Variants in ERCC1 observed in about 807,000 individuals in gnomAD.
ERCC1 encodes DNA excision repair protein ERCC-1.
Under a neutral mutation model 37.6 loss-of-function variants are expected in ERCC1, and 36 were observed. The observed-to-expected ratio is 0.96, with a 90% confidence interval of 0.73 to 1.26. The LOEUF (loss-of-function observed/expected upper bound fraction) is 1.26. Ranked by LOEUF, ERCC1 falls within the 50% of genes most tolerant of loss-of-function variation. The pLI is 0.00. For synonymous variants in ERCC1, 156 were observed against 162.1 expected, an observed-to-expected ratio of 0.96 and a Z score of 0.28; for missense variants, 349 against 376.5, an observed-to-expected ratio of 0.93 and a Z score of 0.60.
chr19:45,446,905 G>A (rs1435737845), intron 1 of ERCC1, among the ~76,000 whole-genome samples: 4 of 152,134 alleles, frequency 2.6e-5, no homozygotes, highest in South Asian at 2.1e-4. Context: ...GGCTGAGGCA[G>A]GAGAATCATT....
chr19:45,434,592 C>A (rs1164698873), intron 1 of ERCC1, among the ~76,000 whole-genome samples: 1 of 151,810 alleles, frequency 6.6e-6, no homozygotes, highest in East Asian at 1.9e-4. Context: ...TTTGTTTTTG[C>A]TTTTGTTTTC....
At chr19:45,428,067 TTTTCTTTC>T (rs1174150788), upstream of ERCC1, among the ~76,000 whole-genome samples, 2 of 145,894 alleles carry the variant, frequency 1.4e-5, no homozygotes, top group African/African-American at 5.4e-5. Flanking sequence ...CTTTTTTTCT[TTTTCTTTC>T]TTTCTTTCTT....
chr19:45,421,216 C>T lies in ERCC1; in HGVS notation c.283G>A (p.Gly95Arg), dbSNP rs377366479. The T allele has an allele frequency of 1.6e-5, 26 of 1,614,070 alleles. No individual in the cohort carries two copies. The East Asian group carries it at 2.0e-4, about 12-fold the overall frequency. The change falls in exon 3 of 10, where the codon GGG (glycine) becomes AGG (arginine). Residue 95 changes from glycine (G) to arginine (R), a missense_variant. Gly to Arg is a moderately radical substitution (Grantham distance 125). Transcript: ENST00000300853. ...ACAATGATGCTGTTGGATTTTGCCC[C>T]GGGTTTCAGGGCCTGGTTGGGCGTC... ...GETPNQALKP[G>R]AKSNSIIVSP...
Position 45,420,454 on chromosome 19 carries a change from A to G in ERCC1, c.322-27T>C. The G allele has an allele frequency of 7.0e-7, 1 of 1,437,834 alleles. No homozygotes were observed. The highest frequency in any genetic ancestry group is 9.8e-7 in the Non-Finnish European group (1 of 1,024,984). The allele number at this position is 1,437,834 out of a possible 1,614,324, so 89.1% of individuals were successfully genotyped here. A position where few individuals can be genotyped will look rare whatever the true frequency, so the allele number is the denominator to read the frequency against. ...TGGGGAGGGACGAAGGGCAGAAGCC[A>G]TCAATAGGGATGACCCTTGATAACC... is the stretch of plus-strand genomic sequence containing the variant. On this transcript the variant is annotated intron_variant, in intron 3 of 9. Coordinates refer to ENST00000300853, the MANE Select transcript of ERCC1 (RefSeq NM_001983.4). The surrounding 1 kb of genome is among the most constrained non-coding windows in gnomAD (Gnocchi z 4.8).
At chr19:45,440,283 C>T (rs1367181963) in intron 1 of ERCC1, among the ~76,000 whole-genome samples, 2 of 152,172 alleles carry the variant, frequency 1.3e-5, no homozygotes, top group South Asian at 2.1e-4. Flanking sequence ...CCGCATCCCC[C>T]AGCCTGTCCT....
At chr19:45,421,720 G>A (rs1357588042) in intron 2 of ERCC1, among the ~76,000 whole-genome samples, 4 of 148,274 alleles carry the variant, frequency 2.7e-5, no homozygotes, top group Non-Finnish European at 3.0e-5. Flanking sequence ...TGCAACCTCC[G>A]CCCCCCAGGT....
chr19:45,435,736 G>C (rs1270551071), intron 1 of ERCC1, among the ~76,000 whole-genome samples: 1 of 152,066 alleles, frequency 6.6e-6, no homozygotes. Context: ...GGGATTACAG[G>C]TGTGAGCCTC....
intron 1 of ERCC1, among the ~76,000 whole-genome samples, chr19:45,437,319 A>T (rs1357623144): frequency 6.6e-6 from 1 of 152,164 alleles, no homozygotes; most frequent in Non-Finnish European, 1.5e-5. Context: ...AAAATCGTAC[A>T]TATGGATCTA....
Position 45,420,360 on chromosome 19 carries a change from T to TA in ERCC1, c.388dup (p.Tyr130LeufsTer58). Reference sequence around the variant, plus strand: ...GGCACAGGTGCTCTGGCCCAGCACATAGTCGGGAATTACGTCGCCAAATTC... The same window carrying TA: ...GGCACAGGTGCTCTGGCCCAGCACATAAGTCGGGAATTACGTCGCCAAATTC... On this transcript the variant is annotated frameshift_variant, in exon 4 of 10. Coordinates refer to ENST00000300853, the MANE Select transcript of ERCC1 (RefSeq NM_001983.4). LOFTEE classifies it high-confidence loss of function. The surrounding 1 kb of genome is among the most constrained non-coding windows in gnomAD (Gnocchi z 4.8). The TA allele has an allele frequency of 6.2e-7, 1 of 1,613,612 alleles. No individual in the cohort carries two copies.
In ERCC1 at chr19:45,408,887, G is replaced by A; in HGVS notation, c.*788C>T. 2.5e-6 allele frequency: 4 copies of A among 1,614,164 alleles called. No individual in the cohort carries two copies. The highest frequency in any genetic ancestry group is 3.4e-6 in the Non-Finnish European group (4 of 1,180,026). ...GATGGAGCCAGAGGAGGGGGTGACA[G>A]TTGAGTCTCAGCCACAGGTGAAGGT... is the stretch of plus-strand genomic sequence containing the variant. On this transcript the variant is annotated 3_prime_UTR_variant, in exon 10 of 10. Transcript: ENST00000300853.
chr19:45,407,952 G>A lies in ERCC1; in HGVS notation c.*1723C>T. 6 of 727,520 alleles carry A rather than the reference G, an allele frequency of 8.2e-6. No individual in the cohort carries two copies. In the South Asian group the frequency reaches 1.3e-4, roughly 16 times the overall value. 45.1% of individuals were successfully genotyped at this position (727,520 alleles called of 1,614,324 possible). A position where few individuals can be genotyped will look rare whatever the true frequency, so the allele number is the denominator to read the frequency against. On this transcript the variant is annotated 3_prime_UTR_variant, in exon 10 of 10. Transcript: ENST00000300853. ...GCCTGTAATCCCAGCTACTTGAGAG[G>A]CTGAGGCAGGAGAATCGCTTGAACC...
intron 1 of ERCC1, among the ~76,000 whole-genome samples, chr19:45,434,190 A>G (rs754279957): frequency 2.1e-4 from 30 of 139,908 alleles, no homozygotes; most frequent in African/African-American, 7.0e-4. Flanking sequence ...GAAGAAGAAG[A>G]AGAGACCTGT....
rs1161263893 is a variant in ERCC1, at chr19:45,407,432, C to G, written c.*2243G>C. 6 of 560,246 alleles carry G rather than the reference C, an allele frequency of 1.1e-5. No homozygotes were observed. Among genetic ancestry groups the G allele is most frequent in the Admixed American group, 3.7e-5 (1 of 26,856 alleles). The allele number at this position is 560,246 out of a possible 1,614,324, so 34.7% of individuals were successfully genotyped here. ...AACCCACAGCCCTTTGTTAGTATTT[C>G]TACTTATAAGAAACTATAAGGAACT... On this transcript the variant is annotated 3_prime_UTR_variant, in exon 10 of 10. Coordinates refer to ENST00000300853, the MANE Select transcript of ERCC1 (RefSeq NM_001983.4).
intron 1 of ERCC1, among the ~76,000 whole-genome samples, chr19:45,430,084 G>C (rs1045410703): frequency 6.6e-6 from 1 of 152,006 alleles, no homozygotes; most frequent in Non-Finnish European, 1.5e-5. Flanking sequence ...GCGTCCAGCC[G>C]GAGCAATTCC....
At chr19:45,442,046 G>A (rs1201215450) in intron 1 of ERCC1, among the ~76,000 whole-genome samples, 4 of 151,504 alleles carry the variant, frequency 2.6e-5, no homozygotes, top group Non-Finnish European at 5.9e-5. Flanking sequence ...GGTGGCTCAT[G>A]CCTGTAATCC....
intron 5 of ERCC1, 45 bp downstream of exon 5, chr19:45,419,053 A>G: frequency 7.4e-7 from 1 of 1,350,668 alleles, no homozygotes; most frequent in Non-Finnish European, 1.0e-6. Context: ...CCACTGCACA[A>G]CCTCAAAGCC....
At position 45,441,082 on chromosome 19, in the gene ERCC1, A is replaced by G. The variant is rs549845495; in HGVS notation, c.-7-17701T>C. Among the ~76,000 whole-genome samples the G allele has an allele frequency of 2.0e-5, 3 of 152,222 alleles. No homozygotes were observed. In the East Asian group the frequency reaches 5.8e-4, roughly 29 times the overall value. On this transcript the variant is annotated intron_variant, in intron 1 of 8. Transcript: ENST00000423698. ...TCCTCCCTTGCAAGTCAGTGATTGG[A>G]CACAACAGCTCCAGGCCTTGGGAAC...
chr19:45,408,551 GGGGCCCT>G lies in ERCC1; in HGVS notation c.*1117_*1123del. ...CACTCAGGAGGCAGTGAATGGGCAC[GGGGCCCT>G]GGAGGTGGACATGGCTTTGGGGTCG... On this transcript the variant is annotated 3_prime_UTR_variant, in exon 10 of 10. Coordinates refer to ENST00000300853, the MANE Select transcript of ERCC1 (RefSeq NM_001983.4). 6.2e-7 allele frequency: 1 copy of G among 1,613,990 alleles called. No individual in the cohort carries two copies. The highest frequency in any genetic ancestry group is 8.5e-7 in the Non-Finnish European group (1 of 1,180,016).
intron 1 of ERCC1, among the ~76,000 whole-genome samples, chr19:45,435,573 C>T (rs1247575976): frequency 3.9e-5 from 6 of 152,174 alleles, no homozygotes; most frequent in Admixed American, 1.3e-4. Context: ...AGCAAACCTC[C>T]TACCTCAGCC....
Sources: gnomAD v4.1 joint callset for allele counts (sites outside exome capture counted in the v4.1 genomes callset) on GRCh38, gnomAD v4.1.1 for gene constraint, Gnocchi (gnomAD v3.1) non-coding constraint, MANE v1.5 for transcripts, NCBI Gene and HGNC (gene_info 2026-07-23, HGNC 2026-07-21) for gene names.